Variants in CPLX2 observed in about 807,000 individuals in gnomAD.
The protein encoded by CPLX2 is complexin 2.
Under a neutral mutation model 16.3 loss-of-function variants are expected in CPLX2, and 5 were observed. The ratio of observed to expected loss-of-function variants is 0.31; its 90% CI spans 0.16 to 0.64. The LOEUF is 0.64. Ranked by LOEUF, CPLX2 falls within the 30% of genes least tolerant of loss-of-function variation. The probability of loss-of-function intolerance (pLI) is 0.79; values close to 1 mark genes in which losing one functional copy is unlikely to be tolerated. For synonymous variants in CPLX2, 89 were observed against 73.2 expected, an observed-to-expected ratio of 1.22 and a Z score of -1.10; for missense variants, 144 against 181.4, an observed-to-expected ratio of 0.79 and a Z score of 1.18.
At chr5:175,879,734 C>T (rs760571684) in intron 3 of CPLX2, 114 bp from the exon 4 acceptor site, 13 of 949,474 alleles carry the variant, frequency 1.4e-5, no homozygotes, top group Non-Finnish European at 2.0e-5. Flanking sequence ...AATGACAGGA[C>T]TGAGGCTTGG....
intron 2 of CPLX2, among the ~76,000 whole-genome samples, chr5:175,856,660 G>C (rs919532927): frequency 1.3e-5 from 2 of 152,174 alleles, no homozygotes; most frequent in African/African-American, 4.8e-5. Flanking sequence ...AGGAGGGAGC[G>C]GGAGAGACTG....
At chr5:175,806,082 C>T (rs956323009) in intron 1 of CPLX2, among the ~76,000 whole-genome samples, 3 of 152,216 alleles carry the variant, frequency 2.0e-5, no homozygotes, top group Admixed American at 6.5e-5. Flanking sequence ...CCCTGAGGTG[C>T]CTGGAAGGAT....
At chr5:175,876,214 A>G (rs368233558) in intron 1 of CPLX2, among the ~76,000 whole-genome samples, 18 of 152,328 alleles carry the variant, frequency 1.2e-4, no homozygotes, top group East Asian at 1.9e-4. Flanking sequence ...CCTGTTTCCT[A>G]TAAATCCCCA....
rs764341301 is a variant in CPLX2, at chr5:175,849,139, C to T, written c.-88-29513C>T. On this transcript the variant is annotated intron_variant, in intron 2 of 4. Coordinates refer to the CPLX2 transcript ENST00000359546. The surrounding 1 kb of genome is among the most constrained non-coding windows in gnomAD (Gnocchi z 4.4). ...CTGTGCTGGTGTGTGTTTTTAACAC[C>T]AGCCAGTGCTGCCGTGTGTGCAGGA... 1.3e-5 allele frequency among the ~76,000 whole-genome samples: 2 copies of T among 152,150 alleles called. No homozygotes were observed. Among genetic ancestry groups the T allele is most frequent in the African/African-American group, 4.8e-5 (2 of 41,408 alleles).
chr5:175,826,310 G>A (rs938876753), intron 2 of CPLX2, among the ~76,000 whole-genome samples: 1 of 152,152 alleles, frequency 6.6e-6, no homozygotes, highest in African/African-American at 2.4e-5. Context: ...ATTCTAAGGA[G>A]GAGTCCAGGT....
intron 2 of CPLX2, among the ~76,000 whole-genome samples, chr5:175,848,003 T>C (rs59882833): frequency 0.031 from 4,755 of 152,342 alleles, 255 homozygotes; most frequent in African/African-American, 0.11. Context: ...ACAAACAATC[T>C]GTGATGCTTG....
chr5:175,866,879 C>G (rs1272516943), upstream of CPLX2, among the ~76,000 whole-genome samples: 2 of 152,160 alleles, frequency 1.3e-5, no homozygotes, highest in South Asian at 2.1e-4. Flanking sequence ...TCAAGACTAG[C>G]CTGGGCAACA....
chr5:175,870,283 A>T (rs528166036), upstream of CPLX2, among the ~76,000 whole-genome samples: 1 of 152,296 alleles, frequency 6.6e-6, no homozygotes, highest in East Asian at 1.9e-4. Flanking sequence ...GGTGACGAGG[A>T]TGGGTTCACC....
In CPLX2 at chr5:175,824,068, G is replaced by A. The variant is rs754529496; in HGVS notation, c.-89+15000G>A. Among the ~76,000 whole-genome samples, 38 of 152,248 alleles carry A rather than the reference G, an allele frequency of 2.5e-4. No homozygotes were observed. The Middle Eastern group carries it at 0.01, about 41-fold the overall frequency. On this transcript the variant is annotated intron_variant, in intron 2 of 4. Transcript: ENST00000359546. ...CACAGGCCCCCTGCCAGCCATACAGGTCCCCTGTGCACAATTGGAGGGCTC... is the reference window on the plus strand; with the variant it reads ...CACAGGCCCCCTGCCAGCCATACAGATCCCCTGTGCACAATTGGAGGGCTC...
intron 2 of CPLX2, among the ~76,000 whole-genome samples, chr5:175,819,736 C>T (rs1758472772): frequency 6.6e-6 from 1 of 152,150 alleles, no homozygotes; most frequent in Non-Finnish European, 1.5e-5. Flanking sequence ...CTCACAGTCA[C>T]CCTTTGACCT....
intron 2 of CPLX2, among the ~76,000 whole-genome samples, chr5:175,865,434 T>C (rs962636152): frequency 6.6e-6 from 1 of 152,122 alleles, no homozygotes; most frequent in East Asian, 1.9e-4. Context: ...GGCGACACCA[T>C]AGAGGCAGTC....
chr5:175,866,853 G>C (rs1759488002), upstream of CPLX2, among the ~76,000 whole-genome samples: 1 of 152,152 alleles, frequency 6.6e-6, no homozygotes, highest in Admixed American at 6.5e-5. Flanking sequence ...AGACAGGATT[G>C]CTTGAGGCCA....
chr5:175,871,898 G>A (rs1439382821), intron 1 of CPLX2, 193 bp downstream of exon 1: 1 of 152,342 alleles, frequency 6.6e-6, no homozygotes, highest in South Asian at 2.1e-4. Flanking sequence ...TGCGCTCTCC[G>A]TGGTGCTGAA....
intron 2 of CPLX2, among the ~76,000 whole-genome samples, chr5:175,842,872 G>C (rs763154912): frequency 2.0e-5 from 3 of 152,186 alleles, no homozygotes; most frequent in African/African-American, 7.2e-5. Context: ...AAGACCAGGG[G>C]CCCTAGAGGT....
rs562360521 is a variant in CPLX2 at position 175,859,310 on chromosome 5, A to G, written c.-88-19342A>G. On this transcript the variant is annotated intron_variant, in intron 2 of 4. Coordinates refer to the CPLX2 transcript ENST00000359546. The stretch of plus-strand genomic sequence containing the variant: ...CTTGGGAAGGCCTGTGGGACCAAGA[A>G]TAAGAGGCCTTTCAAATGCATCAAA... 5.3e-5 allele frequency among the ~76,000 whole-genome samples: 8 copies of G among 152,376 alleles called. No individual in the cohort carries two copies. The South Asian group carries it at 1.5e-3, about 28-fold the overall frequency.
chr5:175,824,858 C>T (rs1374313316), intron 2 of CPLX2, among the ~76,000 whole-genome samples: 2 of 152,126 alleles, frequency 1.3e-5, no homozygotes, highest in East Asian at 1.9e-4. Context: ...TCCAACCGAC[C>T]GTGAAACTTT....
intron 2 of CPLX2, among the ~76,000 whole-genome samples, chr5:175,821,983 T>A (rs1461550941): frequency 6.6e-6 from 1 of 152,198 alleles, no homozygotes; most frequent in African/African-American, 2.4e-5. Context: ...ATGTTTTTAG[T>A]CACCTTGAAA....
At chr5:175,797,091 G>A (rs1757996920) in intron 1 of CPLX2, among the ~76,000 whole-genome samples, 1 of 152,170 alleles carries the variant, frequency 6.6e-6, no homozygotes. Context: ...CCTCCGCCCT[G>A]GTTCCGCGCG....
intron 2 of CPLX2, among the ~76,000 whole-genome samples, chr5:175,838,628 C>A (rs1758888662): frequency 6.6e-6 from 1 of 152,106 alleles, no homozygotes; most frequent in Non-Finnish European, 1.5e-5. Context: ...GCCTCAGAGC[C>A]AGGTCTTTCT....
Sources: gnomAD v4.1 joint callset for allele counts (sites outside exome capture counted in the v4.1 genomes callset) on GRCh38, gnomAD v4.1.1 for gene constraint, Gnocchi (gnomAD v3.1) non-coding constraint, MANE v1.5 for transcripts, NCBI Gene and HGNC (gene_info 2026-07-23, HGNC 2026-07-21) for gene names.